The following SMC6 variants were observed in gnomAD, a reference collection of about 807,000 sequenced individuals.
SMC6 encodes structural maintenance of chromosomes protein 6.
A neutral mutation model predicts 142.2 loss-of-function variants in SMC6; 79 were observed. The observed-to-expected ratio is 0.56, with a 90% CI of 0.46 to 0.67. The LOEUF is 0.67. Ranked by LOEUF, SMC6 falls within the 30% of genes least tolerant of loss-of-function variation. The pLI is 0.00. For synonymous variants in SMC6, 411 were observed against 412.4 expected, an observed-to-expected ratio of 1.00 and a Z score of 0.04; for missense variants, 1,072 against 1,284.0, an observed-to-expected ratio of 0.83 and a Z score of 2.52.
chr2:17,711,055 G>A (rs1007965113), intron 16 of SMC6, among the ~76,000 whole-genome samples: 4 of 152,168 alleles, frequency 2.6e-5, no homozygotes, highest in Admixed American at 6.5e-5. Flanking sequence ...AGGGGAGGAC[G>A]TGGTAGGCAG....
intron 23 of SMC6, among the ~76,000 whole-genome samples, chr2:17,688,528 G>C (rs1400214905): frequency 6.6e-6 from 1 of 152,082 alleles, no homozygotes; most frequent in Non-Finnish European, 1.5e-5. Flanking sequence ...TCCTGCCACT[G>C]AACTCCAGCC....
intron 5 of SMC6, 32 bp downstream of exon 5, chr2:17,738,189 T>C (rs750977511): frequency 6.3e-5 from 94 of 1,503,504 alleles, no homozygotes; most frequent in Admixed American, 1.7e-5. Context: ...TACTAAAGAA[T>C]TGAAAATAGA....
At chr2:17,702,022 T>A in intron 19 of SMC6, 113 bp from the exon 20 acceptor site, 1 of 614,970 alleles carries the variant, frequency 1.6e-6, no homozygotes. Context: ...AAGGATTCCA[T>A]AATTAATGAA....
intron 25 of SMC6, 95 bp from the exon 26 acceptor site, chr2:17,670,670 AAAAAGGAGATGGG>A (rs1666712724): frequency 8.1e-7 from 1 of 1,232,332 alleles, no homozygotes; most frequent in Non-Finnish European, 1.1e-6. Flanking sequence ...GATTTACAGT[AAAAAGGAGATGGG>A]AATAAAATGA....
intron 21 of SMC6, among the ~76,000 whole-genome samples, chr2:17,697,565 G>A (rs1053043857): frequency 6.6e-6 from 1 of 151,960 alleles, no homozygotes; most frequent in Non-Finnish European, 1.5e-5. Context: ...TTTCCCCAAA[G>A]ATAAACAAAT....
In SMC6 at chr2:17,709,706, G is replaced by A. The variant is rs564562759; in HGVS notation, c.1731-953C>T. On this transcript the variant is annotated intron_variant, in intron 16 of 27. Coordinates refer to ENST00000448223, the MANE Select transcript of SMC6 (RefSeq NM_001142286.2). ...TCATGGAGCTTACATTTTTTTGAAGGAAGACAGAGAATAAAGAAAAAGAAG... is the reference window on the plus strand; with the variant it reads ...TCATGGAGCTTACATTTTTTTGAAGAAAGACAGAGAATAAAGAAAAAGAAG... Among the ~76,000 whole-genome samples the A allele has an allele frequency of 6.6e-5, 10 of 152,212 alleles. No individual in the cohort carries two copies. The East Asian group carries it at 1.2e-3, about 18-fold the overall frequency.
At chr2:17,718,374 A>C (rs1669207522) in intron 11 of SMC6, 151 bp from the exon 12 acceptor site, 1 of 463,756 alleles carries the variant, frequency 2.2e-6, no homozygotes. Context: ...ATAAAATACT[A>C]TAATATAATT....
intron 11 of SMC6, among the ~76,000 whole-genome samples, chr2:17,719,705 A>T (rs1669275208): frequency 6.6e-6 from 1 of 152,200 alleles, no homozygotes; most frequent in Non-Finnish European, 1.5e-5. Flanking sequence ...TCAGAAATGA[A>T]AATTTAAGGT....
chr2:17,700,229 C>T lies in SMC6; in HGVS notation c.2373G>A (p.Ser791=), dbSNP rs748068191. ...DAIKFKINQL[S]ELADPLKDEL... is the part of the protein sequence containing the mutation. ...ATACCTTAAGTGGGTCTGCTAGCTC[C>T]GATAGTTGATTAATTTTGAATTTAA... is the stretch of plus-strand genomic sequence containing the variant. Residue 791 remains serine, a synonymous_variant, in exon 21 of 28, where the codon TCG becomes TCA. Transcript: ENST00000448223. The T allele has an allele frequency of 6.1e-5, 98 of 1,605,822 alleles. 1 individual carries two copies. The South Asian group carries it at 7.5e-4, about 12-fold the overall frequency.
rs1010860184 is a variant in SMC6 at position 17,711,834 on chromosome 2, G to T, written c.1730+3027C>A. On this transcript the variant is annotated intron_variant, in intron 16 of 27. Coordinates refer to ENST00000448223, the MANE Select transcript of SMC6 (RefSeq NM_001142286.2). The stretch of plus-strand genomic sequence containing the variant: ...GCGTTTCACCACATTACCCAGGCTG[G>T]TCTTAAATGCCTGGGATCAAATGAT... Among the ~76,000 whole-genome samples, 7 of 152,174 alleles carry T rather than the reference G, an allele frequency of 4.6e-5. No homozygotes were observed. In the East Asian group the frequency reaches 1.4e-3, roughly 29 times the overall value.
rs1449833163 is a variant in SMC6 at position 17,716,770 on chromosome 2, T to G, written c.1317A>C (p.Glu439Asp). Residue 439 changes from glutamate to aspartate, a missense_variant, in exon 14 of 28, where the codon GAA becomes GAC. Coordinates refer to ENST00000448223, the MANE Select transcript of SMC6 (RefSeq NM_001142286.2). ...QEIEQFQQAIEKDKEEHGKIK... is the reference protein window; with the variant it reads ...QEIEQFQQAIDKDKEEHGKIK... The stretch of plus-strand genomic sequence containing the variant: ...TTTTGCCATGTTCTTCTTTGTCCTT[T>G]TCTATGGCTTGCTGAAACTGTTCGA... The G allele has an allele frequency of 1.2e-6, 2 of 1,612,050 alleles. No individual in the cohort carries two copies. The highest frequency in any genetic ancestry group is 1.7e-6 in the Non-Finnish European group (2 of 1,179,452).
At chr2:17,700,444 T>C (rs1166861343) in intron 20 of SMC6, 66 bp from the exon 21 acceptor site, 11 of 1,285,714 alleles carry the variant, frequency 8.6e-6, no homozygotes, top group Non-Finnish European at 1.2e-5. Context: ...AGAAGAAACA[T>C]AAAAATAATT....
chr2:17,726,340 T>TA (rs1466429751), intron 8 of SMC6, 49 bp downstream of exon 8: 1 of 1,452,414 alleles, frequency 6.9e-7, no homozygotes, highest in East Asian at 2.3e-5. Flanking sequence ...ACAATATGCC[T>TA]AAAGGTATTC....
Position 17,696,363 on chromosome 2 carries a change from C to A in SMC6, c.2458G>T (p.Glu820Ter). Residue 820 changes from glutamate to a stop codon, truncating the protein, a stop_gained, in exon 22 of 28, where the codon GAA becomes TAA. Coordinates refer to ENST00000448223, the MANE Select transcript of SMC6 (RefSeq NM_001142286.2). LOFTEE classifies it high-confidence loss of function. ...NQKRGKRHYE[E>*]KQKEHLDTLN... is the part of the protein sequence containing the mutation. ...GTATCCAAGTGTTCTTTTTGTTTTT[C>A]TTCATAATGTCGTTTCCCTCGTTTT... 6.2e-7 allele frequency: 1 copy of A among 1,610,364 alleles called. No homozygotes were observed. Among genetic ancestry groups the A allele is most frequent in the Non-Finnish European group, 8.5e-7 (1 of 1,178,908 alleles).
At position 17,753,189 on chromosome 2, in the gene SMC6, T is replaced by C. The variant is rs140115812; in HGVS notation, c.-92-125A>G. On this transcript the variant is annotated intron_variant, in intron 1 of 27. Coordinates refer to ENST00000448223, the MANE Select transcript of SMC6 (RefSeq NM_001142286.2). ...AATGACAAATCCGATTTCAGTGATCTTTGCATACACCCTTTAAACACACCA... is the reference window on the plus strand; with the variant it reads ...AATGACAAATCCGATTTCAGTGATCCTTGCATACACCCTTTAAACACACCA... 516 of 171,520 alleles carry C rather than the reference T, an allele frequency of 3.0e-3. 1 individual carries two copies. The highest frequency in any genetic ancestry group is 4.9e-3 in the Non-Finnish European group (416 of 85,562). 10.6% of individuals were successfully genotyped at this position (171,520 alleles called of 1,614,324 possible). A position where few individuals can be genotyped will look rare whatever the true frequency, so the allele number is the denominator to read the frequency against.
intron 6 of SMC6, 30 bp from the exon 7 acceptor site, chr2:17,731,169 A>G: frequency 6.6e-7 from 1 of 1,524,026 alleles, no homozygotes. Context: ...GAAATAACCA[A>G]ACTGTTTCTA....
chr2:17,727,377 T>G (rs1669682162), intron 7 of SMC6, among the ~76,000 whole-genome samples: 1 of 152,316 alleles, frequency 6.6e-6, no homozygotes, highest in African/African-American at 2.4e-5. Flanking sequence ...GTATGCTTCC[T>G]GCTCTCAAAC....
chr2:17,751,942 T>A (rs1049412978), intron 2 of SMC6, among the ~76,000 whole-genome samples: 1 of 152,218 alleles, frequency 6.6e-6, no homozygotes, highest in Admixed American at 6.5e-5. Context: ...TTCAGTAAAA[T>A]ACACTCAGTA....
chr2:17,715,297 G>A (rs1014177029), intron 15 of SMC6, among the ~76,000 whole-genome samples: 1 of 152,000 alleles, frequency 6.6e-6, no homozygotes, highest in African/African-American at 2.4e-5. Context: ...AGGATACAAT[G>A]GAGAGAAAAT....
Sources: gnomAD v4.1 joint callset for allele counts (sites outside exome capture counted in the v4.1 genomes callset) on GRCh38, gnomAD v4.1.1 for gene constraint, MANE v1.5 for transcripts, NCBI Gene and HGNC (gene_info 2026-07-23, HGNC 2026-07-21) for gene names.